The following DNAH8 variants were observed in gnomAD, a reference collection of about 807,000 sequenced individuals.
The protein encoded by DNAH8 is axonemal beta dynein heavy chain 8.
DNAH8 carries 382 observed loss-of-function variants against 562.1 expected under a neutral mutation model. That is an observed-to-expected ratio of 0.68 (90% confidence interval 0.63 to 0.74). DNAH8 has a LOEUF of 0.74. DNAH8 is among the 30% of genes least tolerant of loss of function. DNAH8 has a pLI of 0.00. For missense variants in DNAH8, 5,203 were observed against 5,620.4 expected (o/e 0.93, Z 2.37); for synonymous variants, 1,881 against 1,919.4 (o/e 0.98, Z 0.52).
chr6:38,920,902 T>G (rs561652817), intron 70 of DNAH8, among the ~76,000 whole-genome samples: 1 of 152,088 alleles, frequency 6.6e-6, no homozygotes, highest in South Asian at 2.1e-4. Context: ...ATTAAAAAAA[T>G]TTTTTTGAGA....
At chr6:38,995,038 TTA>T (rs1765044071) in intron 88 of DNAH8, among the ~76,000 whole-genome samples, 1 of 151,080 alleles carries the variant, frequency 6.6e-6, no homozygotes, top group Admixed American at 6.6e-5. Context: ...TATCTGATAG[TTA>T]TAGTCTCCCC....
intron 88 of DNAH8, among the ~76,000 whole-genome samples, chr6:38,992,915 C>T (rs749079533): frequency 6.6e-6 from 1 of 152,172 alleles, no homozygotes; most frequent in Non-Finnish European, 1.5e-5. Flanking sequence ...CGAGATCCAA[C>T]AATTGTTCAT....
chr6:38,802,983 G>C (rs1770912421), intron 21 of DNAH8, among the ~76,000 whole-genome samples, 196 bp from the exon 22 acceptor site: 1 of 152,104 alleles, frequency 6.6e-6, no homozygotes, highest in Admixed American at 6.5e-5. Flanking sequence ...TCTTTCTGCT[G>C]TTCTTTGGGC....
At position 38,909,536 on chromosome 6, in the gene DNAH8, G is replaced by A; in HGVS notation, c.9532G>A (p.Ala3178Thr). ...CFSPVGEKFR[A>T]RSLKFPGLIS... The stretch of plus-strand genomic sequence containing the variant: ...TCAATAGGTTGGTGAGAAGTTCCGT[G>A]CCCGTTCTTTGAAATTTCCTGGCTT... Residue 3178 changes from alanine (A) to threonine (T), a missense_variant, in exon 65 of 93, where the codon GCC (alanine) becomes ACC (threonine). By Grantham distance (58) the Ala-to-Thr change is moderately conservative. Around this residue, in one of 6 missense-constraint regions of DNAH8, gnomAD observed 977 missense variants for 1,061.8 expected, o/e 0.92. Transcript: ENST00000327475. 9 of 1,614,078 alleles carry A rather than the reference G, an allele frequency of 5.6e-6. No individual in the cohort carries two copies. Among genetic ancestry groups the A allele is most frequent in the Non-Finnish European group, 5.9e-6 (7 of 1,179,982 alleles).
intron 52 of DNAH8, among the ~76,000 whole-genome samples, chr6:38,874,780 A>G (rs2150443250): frequency 6.6e-6 from 1 of 152,304 alleles, no homozygotes. Context: ...ATCTCTCCTT[A>G]CACATTCTAG....
chr6:38,750,863 A>G (rs1765384575), intron 9 of DNAH8, among the ~76,000 whole-genome samples: 1 of 152,216 alleles, frequency 6.6e-6, no homozygotes, highest in South Asian at 2.1e-4. Context: ...CATCCTGCCA[A>G]AAGTTATTTA....
In DNAH8 at chr6:38,734,612, A is replaced by C. The variant is rs765394346; in HGVS notation, c.749A>C (p.Lys250Thr). 6 of 1,612,356 alleles carry C rather than the reference A, an allele frequency of 3.7e-6. No homozygotes were observed. The highest frequency in any genetic ancestry group is 4.2e-6 in the Non-Finnish European group (5 of 1,179,766). The change falls in exon 5 of 93, where the codon AAA (lysine) becomes ACA (threonine). Residue 250 changes from lysine to threonine, a missense_variant. Physicochemically the swap from Lys to Thr is moderately conservative, Grantham distance 78 (BLOSUM62 -1). Coordinates refer to ENST00000327475, the MANE Select transcript of DNAH8 (RefSeq NM_001206927.2). ...RCRNDVAINV[K>T]TIQEEALFTV... is the part of the protein sequence containing the mutation. Reference sequence around the variant, plus strand: ...CGTAATGATGTTGCTATAAATGTTAAAACTATTCAAGAGGTATGTTTAAAA... The same window carrying C: ...CGTAATGATGTTGCTATAAATGTTACAACTATTCAAGAGGTATGTTTAAAA...
chr6:38,813,996 A>T, intron 24 of DNAH8, 58 bp from the exon 25 acceptor site: 1 of 1,229,198 alleles, frequency 8.1e-7, no homozygotes, highest in Non-Finnish European at 1.2e-6. Flanking sequence ...GTAGCATAAT[A>T]AACTAACAAT....
chr6:38,782,247 T>C (rs1036775749), intron 16 of DNAH8, among the ~76,000 whole-genome samples: 1 of 150,056 alleles, frequency 6.7e-6, no homozygotes, highest in Admixed American at 6.7e-5. Flanking sequence ...CTTTTGATTT[T>C]TAAATAAAGA....
chr6:38,833,040 C>A (rs1473057982), intron 31 of DNAH8, among the ~76,000 whole-genome samples: 1 of 151,892 alleles, frequency 6.6e-6, no homozygotes, highest in South Asian at 2.1e-4. Flanking sequence ...CTTAGAGAAC[C>A]AAAAAGGTCC....
chr6:38,901,994 T>G (rs1262577944), intron 62 of DNAH8, among the ~76,000 whole-genome samples: 3 of 152,174 alleles, frequency 2.0e-5, no homozygotes, highest in Non-Finnish European at 2.9e-5. Flanking sequence ...GGATGGGACA[T>G]GCAATCCTCC....
intron 26 of DNAH8, among the ~76,000 whole-genome samples, chr6:38,816,462 C>T (rs552381124): frequency 1.0e-3 from 153 of 152,158 alleles, no homozygotes; most frequent in African/African-American, 3.5e-3. Flanking sequence ...GTATATGTAC[C>T]ACATTTTCTT....
At position 38,830,535 on chromosome 6, in the gene DNAH8, T is replaced by A. The variant is rs190654917; in HGVS notation, c.4189-1787T>A. ...CTGTAGTCCCAGCTACTTGGGAGGC[T>A]GAGGCAGGAGAAAGACGTGAACCCA... is the stretch of plus-strand genomic sequence containing the variant. On this transcript the variant is annotated intron_variant, in intron 30 of 92. Transcript: ENST00000327475. Among the ~76,000 whole-genome samples the A allele has an allele frequency of 1.8e-3, 261 of 148,446 alleles. 1 individual carries two copies. Among genetic ancestry groups the A allele is most frequent in the African/African-American group, 6.4e-3 (255 of 39,992 alleles).
Position 38,737,240 on chromosome 6 carries a change from T to C in DNAH8, c.936T>C (p.Tyr312=). The change falls in exon 6 of 93, where the codon TAT becomes TAC. Residue 312 remains tyrosine, a synonymous_variant. Transcript: ENST00000327475. Reference sequence around the variant, plus strand: ...TTTTCACTGAAACCATCAACAGATATCTTTCATTTTTAGATGGTAAGTATA... The same window carrying C: ...TTTTCACTGAAACCATCAACAGATACCTTTCATTTTTAGATGGTAAGTATA... ...KHIFTETINR[Y]LSFLDGARIS... 6.9e-7 allele frequency: 1 copy of C among 1,447,962 alleles called. No homozygotes were observed. The highest frequency in any genetic ancestry group is 1.6e-5 in the South Asian group (1 of 61,856). The allele number at this position is 1,447,962 out of a possible 1,614,324, so 89.7% of individuals were successfully genotyped here. A position where few individuals can be genotyped will look rare whatever the true frequency, so the allele number is the denominator to read the frequency against.
intron 46 of DNAH8, 26 bp from the exon 47 acceptor site, chr6:38,866,743 A>G (rs760637867): frequency 1.2e-6 from 2 of 1,602,524 alleles, no homozygotes; most frequent in Non-Finnish European, 8.5e-7. Flanking sequence ...CTAAAGTTGA[A>G]AAAAACTCAC....
At chr6:38,779,861 TG>T in intron 14 of DNAH8, 104 bp from the exon 15 acceptor site, 1 of 1,090,798 alleles carries the variant, frequency 9.2e-7, no homozygotes, top group Non-Finnish European at 1.4e-6. Flanking sequence ...GAATGAGGGC[TG>T]GTATGAATAT....
At chr6:38,877,168 G>A (rs1778083509) in intron 53 of DNAH8, among the ~76,000 whole-genome samples, 1 of 152,132 alleles carries the variant, frequency 6.6e-6, no homozygotes, top group Non-Finnish European at 1.5e-5. Flanking sequence ...TTATTCAGAG[G>A]CCGGGCCCCA....
chr6:38,967,313 A>G (rs1583471551), intron 82 of DNAH8, among the ~76,000 whole-genome samples: 2 of 152,190 alleles, frequency 1.3e-5, no homozygotes, highest in South Asian at 4.2e-4. Flanking sequence ...AAAAAAAAAA[A>G]CCATCTACAT....
chr6:38,879,012 C>G (rs1000125939), intron 53 of DNAH8, among the ~76,000 whole-genome samples: 1 of 151,882 alleles, frequency 6.6e-6, no homozygotes, highest in Non-Finnish European at 1.5e-5. Context: ...TGTAAATTGT[C>G]AATTTACAAT....
Sources: gnomAD v4.1 joint callset for allele counts (sites outside exome capture counted in the v4.1 genomes callset) on GRCh38, gnomAD v4.1.1 for gene constraint, gnomAD v4.1.1 regional missense constraint, MANE v1.5 for transcripts, NCBI Gene and HGNC (gene_info 2026-07-23, HGNC 2026-07-21) for gene names.